Variants in UGGT2 observed in about 807,000 individuals in gnomAD.
UGGT2 encodes UDP-glucose:glycoprotein glucosyltransferase 2.
A neutral mutation model predicts 192.1 loss-of-function variants in UGGT2; 180 were observed. That is an observed-to-expected ratio of 0.94 (90% CI 0.83 to 1.06). UGGT2 has a LOEUF of 1.06. Among genes scored for constraint, UGGT2 ranks in the 50% least tolerant of loss-of-function variants. The pLI is 0.00. For synonymous variants in UGGT2, 580 were observed against 591.0 expected (o/e 0.98, Z 0.27); for missense variants, 1,849 against 1,795.7 (o/e 1.03, Z -0.54).
intron 17 of UGGT2, among the ~76,000 whole-genome samples, chr13:95,928,644 G>A (rs894805175): frequency 4.6e-5 from 7 of 151,762 alleles, no homozygotes; most frequent in South Asian, 2.1e-4. Context: ...GTGGGTAGCC[G>A]GGCAGAGACG....
chr13:95,881,480 G>A (rs2047493496), intron 27 of UGGT2, among the ~76,000 whole-genome samples: 1 of 152,094 alleles, frequency 6.6e-6, no homozygotes, highest in African/African-American at 2.4e-5. Context: ...AGAATAAACT[G>A]AGCCTAAGAT....
At chr13:95,987,794 A>T (rs2051335347) in intron 8 of UGGT2, among the ~76,000 whole-genome samples, 1 of 152,102 alleles carries the variant, frequency 6.6e-6, no homozygotes, top group Non-Finnish European at 1.5e-5. Flanking sequence ...TACCTTGGAA[A>T]AACAGAACTT....
chr13:95,868,446 A>T (rs939593594), intron 29 of UGGT2, among the ~76,000 whole-genome samples: 3 of 152,152 alleles, frequency 2.0e-5, no homozygotes, highest in East Asian at 1.9e-4. Context: ...ATTTTTTTTT[A>T]AATTAGCTGG....
At chr13:95,829,564 T>C (rs1299083063) in intron 38 of UGGT2, among the ~76,000 whole-genome samples, 3 of 152,036 alleles carry the variant, frequency 2.0e-5, no homozygotes, top group Non-Finnish European at 4.4e-5. Context: ...TGAACTCCCA[T>C]TCAGAATTGC....
intron 2 of UGGT2, among the ~76,000 whole-genome samples, chr13:96,029,591 T>G (rs767048349): frequency 6.6e-6 from 1 of 152,152 alleles, no homozygotes; most frequent in Non-Finnish European, 1.5e-5. Context: ...GTGCTAGTAA[T>G]TCCTACTTTA....
intron 30 of UGGT2, among the ~76,000 whole-genome samples, chr13:95,865,244 G>A (rs1300669751): frequency 6.6e-6 from 1 of 152,070 alleles, no homozygotes; most frequent in Non-Finnish European, 1.5e-5. Flanking sequence ...TGGATTTCAT[G>A]GGCTGATCCT....
At chr13:95,972,146 T>C (rs1169637056) in intron 11 of UGGT2, among the ~76,000 whole-genome samples, 3 of 152,000 alleles carry the variant, frequency 2.0e-5, no homozygotes, top group South Asian at 4.2e-4. Context: ...ATTTTTTTTT[T>C]TTTTTTTGAC....
At chr13:95,881,066 C>CG (rs1279412071) in intron 27 of UGGT2, among the ~76,000 whole-genome samples, 1 of 152,044 alleles carries the variant, frequency 6.6e-6, no homozygotes. Context: ...CCTAGCTACT[C>CG]GGGGGGCTGG....
chr13:95,925,073 A>G (rs2048976843), intron 20 of UGGT2, among the ~76,000 whole-genome samples: 1 of 152,242 alleles, frequency 6.6e-6, no homozygotes, highest in Admixed American at 6.5e-5. Flanking sequence ...AAACAATTTC[A>G]TAAAATATTT....
chr13:95,832,515 T>C (rs1458138961), intron 38 of UGGT2, among the ~76,000 whole-genome samples: 1 of 152,106 alleles, frequency 6.6e-6, no homozygotes, highest in African/African-American at 2.4e-5. Flanking sequence ...CTCTGTTATA[T>C]ATGAGATTAA....
At chr13:95,877,608 G>A in intron 28 of UGGT2, 90 bp downstream of exon 28, 1 of 1,411,356 alleles carries the variant, frequency 7.1e-7, no homozygotes, top group Non-Finnish European at 9.5e-7. Context: ...TTCAGCAACA[G>A]CAGAATAAAG....
rs552811232 is a variant in UGGT2 at position 95,999,190 on chromosome 13, G to C, written c.757+21C>G. 5 of 1,596,434 alleles carry C rather than the reference G, an allele frequency of 3.1e-6. No individual in the cohort carries two copies. The African/African-American group carries it at 6.7e-5, about 21-fold the overall frequency. ...GCCTCCAACTTTTCATTCTACTCAA[G>C]TACTGAGATAGAGAACTTACTTTTA... On this transcript the variant is annotated intron_variant, in intron 6 of 38. Transcript: ENST00000376747.
intron 17 of UGGT2, among the ~76,000 whole-genome samples, chr13:95,927,819 G>A (rs557731224): frequency 2.1e-4 from 32 of 152,214 alleles, no homozygotes; most frequent in Non-Finnish European, 4.1e-4. Flanking sequence ...GCCGCCTTCC[G>A]CAGTGTTTGT....
chr13:95,867,279 CAAAG>C (rs973694134), intron 30 of UGGT2, 56 bp downstream of exon 30: 8 of 1,350,698 alleles, frequency 5.9e-6, no homozygotes, highest in Admixed American at 4.9e-5. Flanking sequence ...AATTAAAAAA[CAAAG>C]AAGATAATTC....
rs764669508 is a variant in UGGT2 at position 95,854,303 on chromosome 13, G to C, written c.4169+12C>G. On this transcript the variant is annotated intron_variant, in intron 35 of 38. Transcript: ENST00000376747. ...CTTATTTACTAAATGGTAAGGGTCT[G>C]ACTTTTCTTACCTGATATGGTATTT... is the stretch of plus-strand genomic sequence containing the variant. 24 of 1,606,266 alleles carry C rather than the reference G, an allele frequency of 1.5e-5. No homozygotes were observed. The highest frequency in any genetic ancestry group is 2.0e-5 in the Non-Finnish European group (24 of 1,177,198).
In UGGT2 at chr13:95,989,877, C is replaced by T. The variant is rs549011030; in HGVS notation, c.931+96G>A. 1.3e-4 allele frequency: 98 copies of T among 742,410 alleles called. No individual in the cohort carries two copies. The African/African-American group carries it at 1.6e-3, about 12-fold the overall frequency. The allele number at this position is 742,410 out of a possible 1,614,324, so 46.0% of individuals were successfully genotyped here. Reference sequence around the variant, plus strand: ...TTATTCACTAGTCATTAATACTGTCCATAAAATAATCTATATCATGTGATA... The same window carrying T: ...TTATTCACTAGTCATTAATACTGTCTATAAAATAATCTATATCATGTGATA... On this transcript the variant is annotated intron_variant, in intron 8 of 38. Transcript: ENST00000376747.
chr13:95,865,954 C>T (rs1890615930), intron 30 of UGGT2, among the ~76,000 whole-genome samples: 2 of 152,316 alleles, frequency 1.3e-5, no homozygotes, highest in South Asian at 4.1e-4. Flanking sequence ...ATTAAGTAAT[C>T]CGTCCAAGGT....
At chr13:96,015,309 G>A (rs1392241705) in intron 4 of UGGT2, among the ~76,000 whole-genome samples, 1 of 151,248 alleles carries the variant, frequency 6.6e-6, no homozygotes, top group African/African-American at 2.4e-5. Context: ...AAACTAGAAA[G>A]GCTGCCAATA....
At chr13:95,850,386 T>C (rs1933234325) in intron 36 of UGGT2, among the ~76,000 whole-genome samples, 1 of 152,242 alleles carries the variant, frequency 6.6e-6, no homozygotes, top group South Asian at 2.1e-4. Context: ...TGGATGAGCC[T>C]ATGGGAGTGG....
Sources: gnomAD v4.1 joint callset for allele counts (sites outside exome capture counted in the v4.1 genomes callset) on GRCh38, gnomAD v4.1.1 for gene constraint, MANE v1.5 for transcripts, NCBI Gene and HGNC (gene_info 2026-07-23, HGNC 2026-07-21) for gene names.